ABCA10: variants seen among roughly 807,000 people sequenced by gnomAD.
ABCA10 encodes the protein ATP-binding cassette sub-family A member 10.
In ABCA10, 169 loss-of-function variants were observed where a neutral mutation model predicts 187.5. The ratio of observed to expected loss-of-function variants is 0.90; its 90% CI spans 0.80 to 1.02. ABCA10 has a LOEUF of 1.02. ABCA10 is among the 50% of genes least tolerant of loss of function. The probability of loss-of-function intolerance (pLI) is 0.00; values close to 1 mark genes in which losing one functional copy is unlikely to be tolerated. For missense variants in ABCA10, 1,727 were observed against 1,812.4 expected, an observed-to-expected ratio of 0.95 and a Z score of 0.86; for synonymous variants, 574 against 601.8, an observed-to-expected ratio of 0.95 and a Z score of 0.68.
intron 32 of ABCA10, 89 bp from the exon 33 acceptor site, chr17:69,153,635 T>C: frequency 6.6e-7 from 1 of 1,506,698 alleles, no homozygotes; most frequent in Non-Finnish European, 9.0e-7. Context: ...ACTATTATTC[T>C]AGATAGTAAA....
intron 6 of ABCA10, among the ~76,000 whole-genome samples, chr17:69,216,959 T>C (rs1027263734): frequency 1.3e-5 from 2 of 152,090 alleles, no homozygotes; most frequent in African/African-American, 4.8e-5. Flanking sequence ...AGGAAAGGTA[T>C]TATGATGCCA....
chr17:69,216,082 C>G (rs2074701654), intron 7 of ABCA10, 82 bp from the exon 8 acceptor site: 1 of 1,554,026 alleles, frequency 6.4e-7, no homozygotes. Flanking sequence ...CTCACATTGT[C>G]AAAAATTTTC....
rs577385839 is a variant in ABCA10, at chr17:69,203,736, C to T, written c.1007-2068G>A. Among the ~76,000 whole-genome samples, 10 of 152,232 alleles carry T rather than the reference C, an allele frequency of 6.6e-5. No individual in the cohort carries two copies. In the South Asian group the frequency reaches 1.9e-3, roughly 28 times the overall value. On this transcript the variant is annotated intron_variant, in intron 9 of 38. Transcript: ENST00000690296. ...GTCTGTCTCCATTTTTTGCACCAGT[C>T]GTTCTAATGCTTTTGGATTTTTTGT... is the stretch of plus-strand genomic sequence containing the variant.
chr17:69,153,263 G>C, intron 34 of ABCA10, 42 bp downstream of exon 34: 1 of 1,564,708 alleles, frequency 6.4e-7, no homozygotes, highest in Non-Finnish European at 8.6e-7. Flanking sequence ...ATATCCTAGA[G>C]GTATTCTCTT....
intron 1 of ABCA10, among the ~76,000 whole-genome samples, chr17:69,241,706 A>T (rs913614730): frequency 1.3e-5 from 2 of 152,162 alleles, no homozygotes; most frequent in South Asian, 2.1e-4. Context: ...AAGAGTCCTT[A>T]TCTCCCTCCC....
At chr17:69,235,567 T>C (rs1318583206) in intron 1 of ABCA10, among the ~76,000 whole-genome samples, 2 of 152,156 alleles carry the variant, frequency 1.3e-5, no homozygotes, top group Admixed American at 6.5e-5. Flanking sequence ...ACTGCCTTGC[T>C]GTCACTGCCA....
intron 1 of ABCA10, among the ~76,000 whole-genome samples, chr17:69,235,650 A>G (rs2074863915): frequency 6.6e-6 from 1 of 152,034 alleles, no homozygotes; most frequent in Non-Finnish European, 1.5e-5. Flanking sequence ...CTCTGCTGCC[A>G]TCTGGTGGTC....
intron 27 of ABCA10, among the ~76,000 whole-genome samples, chr17:69,161,382 G>A (rs1229211918): frequency 6.6e-6 from 1 of 152,042 alleles, no homozygotes; most frequent in East Asian, 1.9e-4. Context: ...TCATAAGGAT[G>A]GTAAATTTTA....
intron 25 of ABCA10, among the ~76,000 whole-genome samples, chr17:69,166,868 T>C (rs981252491): frequency 6.6e-6 from 1 of 152,140 alleles, no homozygotes; most frequent in African/African-American, 2.4e-5. Flanking sequence ...CAAAGGACAC[T>C]GATTAGTAGA....
chr17:69,171,970 G>C (rs1158901843), intron 25 of ABCA10, among the ~76,000 whole-genome samples: 1 of 149,626 alleles, frequency 6.7e-6, no homozygotes, highest in African/African-American at 2.4e-5. Flanking sequence ...TCTCAAAAGG[G>C]AGGAAAAAAA....
In ABCA10 at chr17:69,175,307, T is replaced by G. The variant is rs1048955160; in HGVS notation, c.2877+99A>C. The G allele has an allele frequency of 5.9e-6, 6 of 1,010,566 alleles. No homozygotes were observed. The African/African-American group carries it at 9.9e-5, about 17-fold the overall frequency. The allele number at this position is 1,010,566 out of a possible 1,614,324, so 62.6% of individuals were successfully genotyped here. ...GATTGTAATGTATGTGTAAAAACAT[T>G]AACCAAAGTACAACTGTGTGTGTAT... On this transcript the variant is annotated intron_variant, in intron 23 of 38. Transcript: ENST00000690296.
chr17:69,151,825 GCA>G (rs529240897), intron 36 of ABCA10, among the ~76,000 whole-genome samples: 1 of 151,876 alleles, frequency 6.6e-6, no homozygotes, highest in Admixed American at 6.6e-5. Flanking sequence ...ATATATGAAT[GCA>G]CACACACACA....
At chr17:69,206,453 C>T (rs1568068210) in intron 9 of ABCA10, among the ~76,000 whole-genome samples, 1 of 152,084 alleles carries the variant, frequency 6.6e-6, no homozygotes, top group Non-Finnish European at 1.5e-5. Context: ...GAGTACAGCA[C>T]CTGAGTGTAG....
At chr17:69,170,792 A>G (rs1407523712) in intron 25 of ABCA10, among the ~76,000 whole-genome samples, 1 of 152,166 alleles carries the variant, frequency 6.6e-6, no homozygotes, top group African/African-American at 2.4e-5. Context: ...GGACAAAAAC[A>G]AAGCCTGAAA....
intron 15 of ABCA10, 122 bp from the exon 16 acceptor site, chr17:69,192,775 T>A: frequency 1.2e-6 from 1 of 864,280 alleles, no homozygotes; most frequent in Non-Finnish European, 1.8e-6. Flanking sequence ...GTAATATCAT[T>A]AAGCCCCTGG....
chr17:69,197,792 A>T (rs1319084907), intron 10 of ABCA10, among the ~76,000 whole-genome samples: 3 of 152,132 alleles, frequency 2.0e-5, no homozygotes, highest in African/African-American at 2.4e-5. Flanking sequence ...TGGACTCCTT[A>T]AATTGGATTT....
rs553786480 is a variant in ABCA10, at chr17:69,216,180, A to C, written c.672+37T>G. The C allele has an allele frequency of 1.4e-5, 22 of 1,582,180 alleles. No homozygotes were observed. The East Asian group carries it at 3.1e-4, about 23-fold the overall frequency. On this transcript the variant is annotated intron_variant, in intron 7 of 38. Coordinates refer to ENST00000690296, the MANE Select transcript of ABCA10 (RefSeq NM_001377321.1). Reference sequence around the variant, plus strand: ...TATTTGCTCATGTATCTGTAATCTGAAACAGGTTAAGAGGTAATATGCTTT... The same window carrying C: ...TATTTGCTCATGTATCTGTAATCTGCAACAGGTTAAGAGGTAATATGCTTT...
chr17:69,186,868 A>G (rs2074425668), intron 19 of ABCA10, among the ~76,000 whole-genome samples: 1 of 152,160 alleles, frequency 6.6e-6, no homozygotes, highest in African/African-American at 2.4e-5. Flanking sequence ...CCAGATGTAA[A>G]CACCATTAGA....
At chr17:69,188,648 G>A (rs1051087714) in intron 18 of ABCA10, among the ~76,000 whole-genome samples, 2 of 151,572 alleles carry the variant, frequency 1.3e-5, no homozygotes, top group African/African-American at 4.8e-5. Context: ...TGTCATCCAG[G>A]TAATCAGCAT....
Sources: allele counts gnomAD v4.1 joint callset (sites outside exome capture counted in the v4.1 genomes callset), GRCh38; gene constraint gnomAD v4.1.1; transcripts MANE v1.5; gene names NCBI Gene and HGNC (gene_info 2026-07-23, HGNC 2026-07-21).